The following RPA1 variants were observed in gnomAD, a reference collection of about 807,000 sequenced individuals.
RPA1 encodes the protein replication protein A1, also known as replication protein A 70 kDa DNA-binding subunit.
A neutral mutation model predicts 83.0 loss-of-function variants in RPA1; 49 were observed. That is an observed-to-expected ratio of 0.59 (90% CI 0.47 to 0.75). The LOEUF (loss-of-function observed/expected upper bound fraction) is 0.75, where lower values mean the gene tolerates loss of function less well. RPA1 is among the 30% of genes least tolerant of loss of function. The probability of loss-of-function intolerance (pLI) is 0.00; values close to 1 mark genes in which losing one functional copy is unlikely to be tolerated. For synonymous variants in RPA1, 279 were observed against 281.8 expected (o/e 0.99, Z 0.10); for missense variants, 693 against 776.1 (o/e 0.89, Z 1.27).
At chr17:1,865,454 G>T (rs1408573561) in intron 5 of RPA1, among the ~76,000 whole-genome samples, 1 of 152,144 alleles carries the variant, frequency 6.6e-6, no homozygotes, top group Non-Finnish European at 1.5e-5. Flanking sequence ...TTAAATAAAT[G>T]TAAAATATAA....
intron 14 of RPA1, among the ~76,000 whole-genome samples, chr17:1,891,341 C>T (rs1597460930): frequency 6.6e-6 from 1 of 152,254 alleles, no homozygotes; most frequent in African/African-American, 2.4e-5. Flanking sequence ...GGAACTCCTC[C>T]TAGGAACTAC....
chr17:1,843,292 A>AT (rs1443599363), intron 2 of RPA1, among the ~76,000 whole-genome samples: 1 of 151,842 alleles, frequency 6.6e-6, no homozygotes, highest in East Asian at 1.9e-4. Context: ...TAGAAGCAGA[A>AT]TGGTGGGCTC....
At chr17:1,882,680 C>T (rs1023191730) in intron 12 of RPA1, among the ~76,000 whole-genome samples, 2 of 152,146 alleles carry the variant, frequency 1.3e-5, no homozygotes, top group Non-Finnish European at 2.9e-5. Context: ...AAAAAAACCA[C>T]TTTTGGCTTC....
At position 1,830,018 on chromosome 17, in the gene RPA1, C is replaced by G; in HGVS notation, c.-76C>G. 2.4e-6 allele frequency: 3 copies of G among 1,233,850 alleles called. No homozygotes were observed. The highest frequency in any genetic ancestry group is 3.1e-6 in the Non-Finnish European group (3 of 975,642). 76.4% of individuals were successfully genotyped at this position (1,233,850 alleles called of 1,614,324 possible). ...TGCGCGCAACTTCTCGGGCCAATAA[C>G]TGCGCAGCGCGCGGGACCCGGGTGG... On this transcript the variant is annotated 5_prime_UTR_variant, in exon 1 of 17. Coordinates refer to ENST00000254719, the MANE Select transcript of RPA1 (RefSeq NM_002945.5).
chr17:1,840,197 A>G (rs1911992422), intron 1 of RPA1, among the ~76,000 whole-genome samples: 1 of 152,074 alleles, frequency 6.6e-6, no homozygotes, highest in African/African-American at 2.4e-5. Flanking sequence ...GCAGTGGTGC[A>G]ATCACAGCTC....
In RPA1 at chr17:1,879,299, A is replaced by G; in HGVS notation, c.844A>G (p.Asn282Asp). ...VKNDYEMTFN[N>D]ETSVMPCEDD... is the part of the protein sequence containing the mutation. ...AAATGACTACGAGATGACCTTCAAT[A>G]ACGAGACTTCCGTCATGCCCTGTGA... Residue 282 changes from asparagine (N) to aspartate (D), a missense_variant, in exon 10 of 17, where the codon AAC becomes GAC. Physicochemically the swap from Asn to Asp is conservative, Grantham distance 23 (BLOSUM62 1). Transcript: ENST00000254719. 6.2e-7 allele frequency: 1 copy of G among 1,614,198 alleles called. No homozygotes were observed. The highest frequency in any genetic ancestry group is 8.5e-7 in the Non-Finnish European group (1 of 1,180,046).
rs746586892 is a variant in RPA1 at position 1,844,616 on chromosome 17, G to A, written c.202G>A (p.Glu68Lys). The A allele has an allele frequency of 3.3e-5, 53 of 1,613,636 alleles. 2 individuals are homozygous for A. In the Middle Eastern group the frequency reaches 9.9e-4, roughly 30 times the overall value. ...LATQLNPLVE[E>K]EQLSSNCVCQ... ...GACACAGTTGAACCCTCTCGTGGAGGAAGAACAATTGTCCAGCAACTGTGT... is the reference window on the plus strand; with the variant it reads ...GACACAGTTGAACCCTCTCGTGGAGAAAGAACAATTGTCCAGCAACTGTGT... Residue 68 changes from glutamate (E) to lysine (K), a missense_variant, in exon 4 of 17, where the codon GAA becomes AAA. By Grantham distance (56) the Glu-to-Lys change is moderately conservative. Transcript: ENST00000254719.
At chr17:1,875,869 A>T in intron 7 of RPA1, 76 bp downstream of exon 7, 1 of 1,393,532 alleles carries the variant, frequency 7.2e-7, no homozygotes. Flanking sequence ...TGAGTTATTT[A>T]TGCGTGAACT....
chr17:1,845,890 G>C (rs999048200), intron 4 of RPA1, among the ~76,000 whole-genome samples: 1 of 152,120 alleles, frequency 6.6e-6, no homozygotes, highest in Admixed American at 6.6e-5. Flanking sequence ...CTGAGATCAC[G>C]CCACTGCACT....
intron 1 of RPA1, among the ~76,000 whole-genome samples, chr17:1,841,852 G>GT (rs1460177910): frequency 6.6e-5 from 10 of 152,078 alleles, no homozygotes; most frequent in African/African-American, 2.4e-4. Context: ...TGCCTTTTCC[G>GT]TATCTATTCA....
At chr17:1,894,772 C>T (rs1036891833) in intron 15 of RPA1, among the ~76,000 whole-genome samples, 4 of 152,192 alleles carry the variant, frequency 2.6e-5, no homozygotes, top group Admixed American at 1.3e-4. Flanking sequence ...CCAAAACCCT[C>T]TTCTCCCTGG....
At chr17:1,831,953 A>AC (rs200958040) in intron 1 of RPA1, among the ~76,000 whole-genome samples, 6 of 54,888 alleles carry the variant, frequency 1.1e-4, no homozygotes, top group Non-Finnish European at 2.0e-4. Flanking sequence ...TTCTCCCCAT[A>AC]CCCCCCCACT....
chr17:1,856,146 A>G (rs1912684108), intron 5 of RPA1, among the ~76,000 whole-genome samples: 1 of 152,122 alleles, frequency 6.6e-6, no homozygotes, highest in Non-Finnish European at 1.5e-5. Flanking sequence ...CAACATGATA[A>G]AACCCAGTCT....
intron 1 of RPA1, among the ~76,000 whole-genome samples, chr17:1,839,429 G>A (rs993364227): frequency 2.6e-5 from 4 of 151,190 alleles, no homozygotes; most frequent in African/African-American, 9.7e-5. Context: ...GGGTTCAAGC[G>A]ATTCTCCTAC....
intron 12 of RPA1, among the ~76,000 whole-genome samples, chr17:1,882,169 T>C (rs1483837278): frequency 6.6e-6 from 1 of 152,184 alleles, no homozygotes. Flanking sequence ...CCGCCACCAC[T>C]GTGTTCCCGA....
At chr17:1,880,302 G>T (rs756004409) in intron 11 of RPA1, among the ~76,000 whole-genome samples, 1 of 152,140 alleles carries the variant, frequency 6.6e-6, no homozygotes, top group Non-Finnish European at 1.5e-5. Flanking sequence ...TCTTACTTCT[G>T]TGAGATTTGC....
At chr17:1,880,456 T>C (rs770494840) in intron 11 of RPA1, 87 bp from the exon 12 acceptor site, 7 of 1,360,772 alleles carry the variant, frequency 5.1e-6, no homozygotes, top group Non-Finnish European at 7.3e-6. Context: ...TTCACTCTAC[T>C]ATTGAATGTT....
chr17:1,872,265 CT>C (rs1440221725), intron 5 of RPA1, 168 bp from the exon 6 acceptor site: 1 of 1,010,904 alleles, frequency 9.9e-7, no homozygotes, highest in African/African-American at 1.6e-5. Flanking sequence ...AAGTGAACCC[CT>C]AGCAAATTCA....
chr17:1,895,186 C>T (rs1874746329), intron 16 of RPA1, 91 bp downstream of exon 16: 1 of 975,572 alleles, frequency 1.0e-6, no homozygotes, highest in Admixed American at 2.2e-5. Context: ...CAGGGAGTTA[C>T]TGTACTCACT....
Sources: gnomAD v4.1 joint callset for allele counts (sites outside exome capture counted in the v4.1 genomes callset) on GRCh38, gnomAD v4.1.1 for gene constraint, MANE v1.5 for transcripts, NCBI Gene and HGNC (gene_info 2026-07-23, HGNC 2026-07-21) for gene names.